PPARGC1A: variants seen among roughly 807,000 people sequenced by gnomAD.
PPARGC1A encodes peroxisome proliferator-activated receptor gamma coactivator 1-alpha.
A neutral mutation model predicts 88.7 loss-of-function variants in PPARGC1A; 25 were observed. The observed-to-expected ratio is 0.28, with a 90% confidence interval of 0.21 to 0.39. The LOEUF is 0.39. Among genes scored for constraint, PPARGC1A ranks in the 10% least tolerant of loss-of-function variants. The pLI is 1.00. For missense variants in PPARGC1A, 880 were observed against 968.7 expected, an observed-to-expected ratio of 0.91 and a Z score of 1.22; for synonymous variants, 363 against 355.6, an observed-to-expected ratio of 1.02 and a Z score of -0.24.
chr4:24,145,329 T>C, the PPARGC1A span, among the ~76,000 whole-genome samples: 1 of 152,150 alleles, frequency 6.6e-6, no homozygotes, highest in African/African-American at 2.4e-5. Context: ...CATGGTGCCT[T>C]GAGCTACCCC....
the PPARGC1A span, among the ~76,000 whole-genome samples, chr4:24,181,226 G>A: frequency 6.6e-6 from 1 of 152,208 alleles, no homozygotes; most frequent in Admixed American, 6.5e-5. Flanking sequence ...TAATGAGTCA[G>A]TATCTACAAG....
chr4:24,217,894 T>TC, the PPARGC1A span, among the ~76,000 whole-genome samples: 3 of 152,138 alleles, frequency 2.0e-5, no homozygotes, highest in Non-Finnish European at 4.4e-5. Context: ...AGCCAGTGAT[T>TC]CCCCCCGATT....
intron 2 of PPARGC1A, among the ~76,000 whole-genome samples, chr4:23,871,369 T>A (rs1713326159): frequency 6.6e-6 from 1 of 152,126 alleles, no homozygotes; most frequent in Admixed American, 6.5e-5. Flanking sequence ...AACTCTCAAA[T>A]CTGTTGCACG....
At chr4:24,341,186 T>C in the PPARGC1A span, among the ~76,000 whole-genome samples, 1 of 151,012 alleles carries the variant, frequency 6.6e-6, no homozygotes, top group African/African-American at 2.4e-5. Flanking sequence ...CCCAGGATCA[T>C]ACTTTAGCAA....
chr4:24,327,830 C>T, the PPARGC1A span, among the ~76,000 whole-genome samples: 12 of 152,194 alleles, frequency 7.9e-5, no homozygotes, highest in Non-Finnish European at 1.8e-4. Context: ...GAATGTCAGG[C>T]CTCTGAGCCC....
At chr4:24,470,277 G>GACACACACAGACACACACACACAC in the PPARGC1A span, among the ~76,000 whole-genome samples, 1 of 110,676 alleles carries the variant, frequency 9.0e-6, no homozygotes, top group East Asian at 2.7e-4. The surrounding 1 kb of genome is among the most constrained non-coding windows in gnomAD (Gnocchi z 5.8). Flanking sequence ...GACAGACACA[G>GACACACACAGACACACACACACAC]ACACACACAC....
intron 10 of PPARGC1A, among the ~76,000 whole-genome samples, chr4:23,808,971 T>C (rs558689222): frequency 3.9e-5 from 6 of 152,256 alleles, no homozygotes; most frequent in African/African-American, 1.4e-4. Context: ...CATTGCCTTT[T>C]GGAGTCTCTG....
intron 2 of PPARGC1A, among the ~76,000 whole-genome samples, chr4:23,847,786 G>A (rs1179585524): frequency 2.0e-5 from 3 of 152,164 alleles, no homozygotes; most frequent in Admixed American, 6.5e-5. Flanking sequence ...ACTGGAAAAA[G>A]CCTAAAAGAA....
At chr4:23,930,393 T>C in the PPARGC1A span, among the ~76,000 whole-genome samples, 1 of 152,196 alleles carries the variant, frequency 6.6e-6, no homozygotes, top group Non-Finnish European at 1.5e-5. Context: ...AGTAACGCCT[T>C]CTGACCACTG....
the PPARGC1A span, among the ~76,000 whole-genome samples, chr4:24,251,016 CTA>C: frequency 3.9e-5 from 6 of 152,162 alleles, no homozygotes; most frequent in Admixed American, 6.5e-5. Context: ...GATATGACCA[CTA>C]TTATTCATTG....
chr4:23,940,705 T>C, the PPARGC1A span, among the ~76,000 whole-genome samples: 14 of 152,134 alleles, frequency 9.2e-5, no homozygotes, highest in South Asian at 2.1e-4. Context: ...GAAATGTTTG[T>C]AGTTAGTTAG....
At chr4:23,823,018 A>C (rs1305390780) in intron 7 of PPARGC1A, among the ~76,000 whole-genome samples, 1 of 152,058 alleles carries the variant, frequency 6.6e-6, no homozygotes, top group African/African-American at 2.4e-5. Flanking sequence ...TCAGTACCCC[A>C]ATAGACTAAA....
the PPARGC1A span, among the ~76,000 whole-genome samples, chr4:23,970,711 G>C: frequency 6.6e-6 from 1 of 152,118 alleles, no homozygotes. Context: ...TTTAACTGCA[G>C]CTAAGGGACT....
chr4:24,056,705 C>T, the PPARGC1A span, among the ~76,000 whole-genome samples: 94 of 152,248 alleles, frequency 6.2e-4, no homozygotes, highest in African/African-American at 2.2e-3. Context: ...GAATATAATA[C>T]TGTCTACTGC....
chr4:23,908,354 T>G (rs181208384), upstream of PPARGC1A, among the ~76,000 whole-genome samples: 385 of 152,322 alleles, frequency 2.5e-3, no homozygotes, highest in Non-Finnish European at 4.2e-3. Context: ...GAAGCTTTCT[T>G]TGAATATCTG....
the PPARGC1A span, among the ~76,000 whole-genome samples, chr4:23,974,411 C>A: frequency 2.0e-5 from 3 of 152,100 alleles, no homozygotes; most frequent in African/African-American, 7.2e-5. Context: ...CTCACAGTGA[C>A]CTTTGAGGTC....
chr4:24,251,158 T>C, the PPARGC1A span, among the ~76,000 whole-genome samples: 3 of 152,242 alleles, frequency 2.0e-5, no homozygotes. Context: ...GCATAAGTCA[T>C]TATTATTAAA....
the PPARGC1A span, among the ~76,000 whole-genome samples, chr4:23,910,969 G>A: frequency 1.3e-5 from 2 of 150,526 alleles, no homozygotes; most frequent in Non-Finnish European, 3.0e-5. Flanking sequence ...AAACTGCCTC[G>A]CTCTAACGTC....
chr4:24,146,498 C>T, the PPARGC1A span, among the ~76,000 whole-genome samples: 1 of 152,160 alleles, frequency 6.6e-6, no homozygotes, highest in Non-Finnish European at 1.5e-5. Context: ...CTCAAGTATC[C>T]CTACACTTGG....
Sources: allele counts gnomAD v4.1 joint callset (sites outside exome capture counted in the v4.1 genomes callset), GRCh38; gene constraint gnomAD v4.1.1; non-coding constraint Gnocchi (gnomAD v3.1); transcripts MANE v1.5; gene names NCBI Gene and HGNC (gene_info 2026-07-23, HGNC 2026-07-21).